The following IPO5 variants were observed in gnomAD, a reference collection of about 807,000 sequenced individuals.
The protein encoded by IPO5 is importin-5.
In IPO5, 18 loss-of-function variants were observed where a neutral mutation model predicts 143.3. The observed-to-expected ratio is 0.13, with a 90% CI of 0.09 to 0.19. IPO5 has a LOEUF of 0.19. IPO5 is among the 10% of genes least tolerant of loss of function. The pLI is 1.00. For synonymous variants in IPO5, 477 were observed against 465.7 expected (o/e 1.02, Z -0.31); for missense variants, 1,013 against 1,336.9 (o/e 0.76, Z 3.78).
chr13:97,984,158 T>G (rs1176451560), intron 5 of IPO5, among the ~76,000 whole-genome samples: 2 of 150,572 alleles, frequency 1.3e-5, no homozygotes, highest in Non-Finnish European at 3.0e-5. Flanking sequence ...TTTTGTATTT[T>G]TAGTAGAGAC....
chr13:97,965,701 T>C (rs918923834), intron 2 of IPO5, among the ~76,000 whole-genome samples: 1 of 152,192 alleles, frequency 6.6e-6, no homozygotes, highest in African/African-American at 2.4e-5. Context: ...GATTTTTATA[T>C]ATTGATCTTG....
intron 2 of IPO5, among the ~76,000 whole-genome samples, chr13:97,965,938 T>A (rs917816480): frequency 1.3e-5 from 2 of 151,558 alleles, no homozygotes; most frequent in African/African-American, 4.9e-5. Flanking sequence ...ATGACAGAGA[T>A]CAAAACCAGC....
intron 16 of IPO5, among the ~76,000 whole-genome samples, chr13:98,005,058 G>T (rs1354212481): frequency 6.6e-6 from 1 of 151,980 alleles, no homozygotes; most frequent in African/African-American, 2.4e-5. Context: ...CACCACACCC[G>T]GCTAATTTTT....
At chr13:97,971,714 C>T (rs1885839098) in intron 3 of IPO5, among the ~76,000 whole-genome samples, 1 of 151,960 alleles carries the variant, frequency 6.6e-6, no homozygotes, top group South Asian at 2.1e-4. Context: ...TTTGGGAGGC[C>T]GAGGTAGGAG....
rs1223245228 is a variant in IPO5 at position 97,989,364 on chromosome 13, A to G, written c.467+200A>G. On this transcript the variant is annotated intron_variant, in intron 7 of 28. Transcript: ENST00000651721. Reference sequence around the variant, plus strand: ...TCACATTATGATCTTTTTTGTACACAAAGGTTCTCTACAGCTTGCTTGCTT... The same window carrying G: ...TCACATTATGATCTTTTTTGTACACGAAGGTTCTCTACAGCTTGCTTGCTT... Among the ~76,000 whole-genome samples, 3 of 152,100 alleles carry G rather than the reference A, an allele frequency of 2.0e-5. No individual in the cohort carries two copies. The East Asian group carries it at 5.8e-4, about 29-fold the overall frequency.
At chr13:97,979,856 A>C (rs1388582187) in intron 4 of IPO5, 2 of 456,404 alleles carry the variant, frequency 4.4e-6, no homozygotes, top group Non-Finnish European at 8.8e-6. Context: ...ACAGAGGATA[A>C]CATTGAAAAA....
At position 97,976,769 on chromosome 13, in the gene IPO5, G is replaced by C; in HGVS notation, c.73G>C (p.Val25Leu). The part of the protein sequence containing the change: ...LGNLLSPDNV[V>L]RKQAEETYEN... Reference sequence around the variant, plus strand: ...AAACCTGCTCAGCCCCGACAATGTGGTCCGGAAACAGGCAGAGGTAACCGA... The same window carrying C: ...AAACCTGCTCAGCCCCGACAATGTGCTCCGGAAACAGGCAGAGGTAACCGA... Residue 25 changes from valine (V) to leucine (L), a missense_variant, in exon 4 of 29, where the codon GTC becomes CTC. Coordinates refer to ENST00000651721, the MANE Select transcript of IPO5 (RefSeq NM_002271.6). 7.1e-7 allele frequency: 1 copy of C among 1,403,042 alleles called. No individual in the cohort carries two copies. The highest frequency in any genetic ancestry group is 9.5e-7 in the Non-Finnish European group (1 of 1,051,778). The allele number at this position is 1,403,042 out of a possible 1,614,324, so 86.9% of individuals were successfully genotyped here. A position where few individuals can be genotyped will look rare whatever the true frequency, so the allele number is the denominator to read the frequency against.
In IPO5 at chr13:98,006,356, ATTTTTT is replaced by A. The variant is rs568589408; in HGVS notation, c.1716+39_1716+44del. 1.8e-4 allele frequency: 99 copies of A among 556,708 alleles called. No individual in the cohort carries two copies. The highest frequency in any genetic ancestry group is 3.8e-4 in the South Asian group (19 of 49,824). The allele number at this position is 556,708 out of a possible 1,614,324, so 34.5% of individuals were successfully genotyped here. On this transcript the variant is annotated intron_variant, in intron 17 of 28. Coordinates refer to ENST00000651721, the MANE Select transcript of IPO5 (RefSeq NM_002271.6). ...GCTGTTGGGAAGGAAAAAGTAAGTA[ATTTTTT>A]TTTTTTTTTTTTTTTTTTTTTTTTT...
At chr13:97,965,704 T>C (rs1244013193) in intron 2 of IPO5, among the ~76,000 whole-genome samples, 1 of 152,098 alleles carries the variant, frequency 6.6e-6, no homozygotes, top group Admixed American at 6.6e-5. Flanking sequence ...TTTTATATAT[T>C]GATCTTGTCT....
intron 27 of IPO5, chr13:98,020,016 T>G (rs544127760): frequency 2.3e-6 from 1 of 425,706 alleles, no homozygotes; most frequent in East Asian, 3.7e-5. Context: ...TAATTTTGAG[T>G]TATTCTTTAT....
At chr13:97,972,308 C>T (rs1413426907) in intron 3 of IPO5, among the ~76,000 whole-genome samples, 1 of 152,208 alleles carries the variant, frequency 6.6e-6, no homozygotes, top group South Asian at 2.1e-4. Context: ...ACAAGCCTAA[C>T]TTCTCCAACC....
At chr13:98,002,261 C>T (rs548500829) in intron 13 of IPO5, 53 of 356,012 alleles carry the variant, frequency 1.5e-4, no homozygotes, top group Middle Eastern at 7.9e-4. Flanking sequence ...GTGATCCGCC[C>T]GCCTCAGACT....
At chr13:98,000,755 C>G (rs1303053807) in intron 13 of IPO5, 110 bp downstream of exon 13, 1 of 701,882 alleles carries the variant, frequency 1.4e-6, no homozygotes, top group Non-Finnish European at 2.5e-6. Flanking sequence ...TTTTATCATC[C>G]ATATTTAACC....
intron 2 of IPO5, among the ~76,000 whole-genome samples, chr13:97,967,210 C>A (rs1156269995): frequency 6.6e-6 from 1 of 151,996 alleles, no homozygotes; most frequent in Admixed American, 6.6e-5. Context: ...TATTCTAATT[C>A]TTTTTATTTC....
chr13:97,988,936 A>G (rs1887597346), intron 6 of IPO5, 126 bp from the exon 7 acceptor site: 1 of 550,242 alleles, frequency 1.8e-6, no homozygotes, highest in Non-Finnish European at 3.2e-6. Context: ...GAGTTTTTAA[A>G]AATAGCAAAA....
At chr13:97,959,547 G>C (rs1197765695) in intron 2 of IPO5, among the ~76,000 whole-genome samples, 1 of 151,996 alleles carries the variant, frequency 6.6e-6, no homozygotes, top group Non-Finnish European at 1.5e-5. Flanking sequence ...GGCCAACATG[G>C]TGAAACCCCG....
chr13:98,004,827 A>G, intron 16 of IPO5, among the ~76,000 whole-genome samples: 1 of 152,182 alleles, frequency 6.6e-6, no homozygotes, highest in Admixed American at 6.5e-5. Flanking sequence ...GACGTGGGGA[A>G]TTATGAAAAT....
rs1050111036 is a variant in IPO5, at chr13:98,003,037, G to A, written c.1497G>A (p.Glu499=). ...LHSIMVLKLQ[E]LIQKGTKLVL... ...CCATTATGGTACTGAAGCTTCAAGAGGTAAGTTTTAAGATCTGTAGGCTGC... is the reference window on the plus strand; with the variant it reads ...CCATTATGGTACTGAAGCTTCAAGAAGTAAGTTTTAAGATCTGTAGGCTGC... Residue 499 remains glutamate (E), a splice_region_variant and synonymous_variant, in exon 16 of 29, where the codon GAG becomes GAA. Coordinates refer to ENST00000651721, the MANE Select transcript of IPO5 (RefSeq NM_002271.6). 3.7e-6 allele frequency: 6 copies of A among 1,603,298 alleles called. No individual in the cohort carries two copies. In the African/African-American group the frequency reaches 8.0e-5, roughly 22 times the overall value.
chr13:98,013,863 A>G (rs1889904793), intron 21 of IPO5, among the ~76,000 whole-genome samples, 179 bp from the exon 22 acceptor site: 1 of 152,188 alleles, frequency 6.6e-6, no homozygotes, highest in Non-Finnish European at 1.5e-5. Flanking sequence ...CCACTATTAC[A>G]GGTGACAGAG....
Sources: gnomAD v4.1 joint callset for allele counts (sites outside exome capture counted in the v4.1 genomes callset) on GRCh38, gnomAD v4.1.1 for gene constraint, MANE v1.5 for transcripts, NCBI Gene and HGNC (gene_info 2026-07-23, HGNC 2026-07-21) for gene names.